EGFR: variants seen among roughly 807,000 people sequenced by gnomAD.
EGFR encodes the protein avian erythroblastic leukemia viral (v-erb-b) oncogene homolog.
EGFR carries 58 observed loss-of-function variants against 143.0 expected under a neutral mutation model. That is an observed-to-expected ratio of 0.41 (90% CI 0.33 to 0.50). The LOEUF is 0.50. Ranked by LOEUF, EGFR falls within the 20% of genes least tolerant of loss-of-function variation. The pLI, the probability that EGFR is intolerant of heterozygous loss-of-function variation, is 0.39. For synonymous variants in EGFR, 613 were observed against 594.4 expected, an observed-to-expected ratio of 1.03 and a Z score of -0.45; for missense variants, 1,307 against 1,579.0, an observed-to-expected ratio of 0.83 and a Z score of 2.92.
intron 1 of EGFR, among the ~76,000 whole-genome samples, chr7:55,054,273 C>G (rs150124936): frequency 2.9e-3 from 444 of 152,360 alleles, no homozygotes; most frequent in Non-Finnish European, 4.8e-3. Context: ...TCTAACTCGA[C>G]CTTGAGTGAC....
chr7:55,122,060 AT>A (rs1431835593), intron 1 of EGFR, among the ~76,000 whole-genome samples: 1 of 152,200 alleles, frequency 6.6e-6, no homozygotes, highest in African/African-American at 2.4e-5. Context: ...ATTTATTTAG[AT>A]AATCTTTGTG....
chr7:55,156,257 G>A (rs966939154), intron 8 of EGFR, among the ~76,000 whole-genome samples: 1 of 152,190 alleles, frequency 6.6e-6, no homozygotes, highest in Non-Finnish European at 1.5e-5. Context: ...AGCGGCCCAT[G>A]GGAAATAATG....
chr7:55,087,454 T>C lies in EGFR; in HGVS notation c.89-54832T>C, dbSNP rs184948796. ...TATTAGAGAGCAGGTCTCAGAAACA[T>C]TCTATCCGGCAGTCTTATTCTATGC... On this transcript the variant is annotated intron_variant, in intron 1 of 27. Transcript: ENST00000275493. 1.2e-3 allele frequency among the ~76,000 whole-genome samples: 181 copies of C among 152,234 alleles called. 1 individual carries two copies. The highest frequency in any genetic ancestry group is 3.3e-3 in the African/African-American group (137 of 41,542).
chr7:55,115,589 G>A (rs370334784), intron 1 of EGFR, among the ~76,000 whole-genome samples: 1 of 152,048 alleles, frequency 6.6e-6, no homozygotes, highest in African/African-American at 2.4e-5. Context: ...ATCTCAAGGG[G>A]TTCCTGGAAG....
rs553078721 is a variant in EGFR, at chr7:55,047,314, G to T, written c.88+27949G>T. Among the ~76,000 whole-genome samples, 21 of 152,344 alleles carry T rather than the reference G, an allele frequency of 1.4e-4. No homozygotes were observed. The South Asian group carries it at 3.1e-3, about 23-fold the overall frequency. On this transcript the variant is annotated intron_variant, in intron 1 of 27. Transcript: ENST00000275493. ...GTACACGAATTTCAGTTTAGAGGAC[G>T]AAGCATTACTGGAGTATTGTTATGC... is the stretch of plus-strand genomic sequence containing the variant.
chr7:55,091,855 C>G (rs1293734994), intron 1 of EGFR, among the ~76,000 whole-genome samples: 5 of 95,992 alleles, frequency 5.2e-5, no homozygotes, highest in African/African-American at 2.3e-4. Flanking sequence ...TAAACACACA[C>G]ACACACACAC....
At chr7:55,109,365 A>T (rs1026773867) in intron 1 of EGFR, among the ~76,000 whole-genome samples, 1 of 152,232 alleles carries the variant, frequency 6.6e-6, no homozygotes, top group African/African-American at 2.4e-5. Context: ...ATCTACAGCA[A>T]TGGAAGAATC....
chr7:55,123,424 A>C (rs1239297885), intron 1 of EGFR, among the ~76,000 whole-genome samples: 4 of 152,192 alleles, frequency 2.6e-5, no homozygotes, highest in African/African-American at 2.4e-5. Flanking sequence ...CTTAACTAAA[A>C]ATACTGCATA....
At chr7:55,102,626 C>G (rs929068747) in intron 1 of EGFR, among the ~76,000 whole-genome samples, 3 of 152,092 alleles carry the variant, frequency 2.0e-5, no homozygotes, top group Admixed American at 6.5e-5. Flanking sequence ...ATGGTTTTCC[C>G]CTGATGTTTG....
chr7:55,153,715 G>A (rs563601743), intron 6 of EGFR, among the ~76,000 whole-genome samples: 3 of 152,124 alleles, frequency 2.0e-5, no homozygotes, highest in East Asian at 3.9e-4. Flanking sequence ...CATAGTCACC[G>A]CTATAATGTG....
intron 14 of EGFR, among the ~76,000 whole-genome samples, chr7:55,164,364 A>G (rs1483982343): frequency 6.6e-6 from 1 of 152,184 alleles, no homozygotes; most frequent in Non-Finnish European, 1.5e-5. Context: ...ATGTTATTAT[A>G]TAGGGAGCTC....
At chr7:55,203,332 C>G (rs372269442) in intron 27 of EGFR, among the ~76,000 whole-genome samples, 2 of 149,536 alleles carry the variant, frequency 1.3e-5, no homozygotes, top group African/African-American at 2.5e-5. Context: ...CATACACACA[C>G]GTATACACAC....
chr7:55,039,481 G>A (rs1219046973), intron 1 of EGFR, among the ~76,000 whole-genome samples: 2 of 152,108 alleles, frequency 1.3e-5, no homozygotes, highest in Non-Finnish European at 2.9e-5. Context: ...AGAGAGAAGA[G>A]GGTTTGTGAT....
Position 55,019,033 on chromosome 7 carries a change from C to T in EGFR, c.-245C>T, listed in dbSNP as rs1373333053. On this transcript the variant is annotated 5_prime_UTR_variant, in exon 1 of 28. Transcript: ENST00000275493. ...GCGCGAGCTAGACGTCCGGGCAGCC[C>T]CCGGCGCAGCGCGGCCGCAGCAGCC... The T allele has an allele frequency of 8.9e-6, 2 of 225,984 alleles. No individual in the cohort carries two copies. Among genetic ancestry groups the T allele is most frequent in the African/African-American group, 2.3e-5 (1 of 43,268 alleles). The allele number at this position is 225,984 out of a possible 1,614,324, so 14.0% of individuals were successfully genotyped here.
chr7:55,042,942 G>A (rs542230241), intron 1 of EGFR, among the ~76,000 whole-genome samples: 1 of 152,168 alleles, frequency 6.6e-6, no homozygotes, highest in African/African-American at 2.4e-5. Context: ...GTCTAGATGT[G>A]TCATGTATTA....
chr7:55,162,304 A>G (rs1785748380), intron 13 of EGFR, among the ~76,000 whole-genome samples: 1 of 152,264 alleles, frequency 6.6e-6, no homozygotes, highest in Non-Finnish European at 1.5e-5. Flanking sequence ...GATTTAAAGA[A>G]AAAGGGAAAT....
At chr7:55,153,715 G>T (rs563601743) in intron 6 of EGFR, among the ~76,000 whole-genome samples, 3 of 152,124 alleles carry the variant, frequency 2.0e-5, no homozygotes, top group Non-Finnish European at 4.4e-5. Flanking sequence ...CATAGTCACC[G>T]CTATAATGTG....
At chr7:55,152,284 T>G (rs1785196195) in intron 5 of EGFR, 1 of 655,296 alleles carries the variant, frequency 1.5e-6, no homozygotes. Flanking sequence ...CTTTCTGCAT[T>G]GCCCAAGATG....
In EGFR at chr7:55,046,448, T is replaced by C. The variant is rs1007207151; in HGVS notation, c.88+27083T>C. 4.5e-4 allele frequency among the ~76,000 whole-genome samples: 68 copies of C among 152,188 alleles called. 1 individual carries two copies. The highest frequency in any genetic ancestry group is 1.9e-4 in the Non-Finnish European group (13 of 68,036). ...CTCTTCAGAGAGCCCACTGTGGAAG[T>C]GTCACTGACCTTGTGTATGGGCTGC... On this transcript the variant is annotated intron_variant, in intron 1 of 27. Transcript: ENST00000275493.
Sources: allele counts gnomAD v4.1 joint callset (sites outside exome capture counted in the v4.1 genomes callset), GRCh38; gene constraint gnomAD v4.1.1; transcripts MANE v1.5; gene names NCBI Gene and HGNC (gene_info 2026-07-23, HGNC 2026-07-21).